Variants in CACNB2 observed in about 807,000 individuals in gnomAD.
The protein encoded by CACNB2 is voltage-dependent L-type calcium channel subunit beta-2.
CACNB2 carries 42 observed loss-of-function variants against 73.3 expected under a neutral mutation model. The ratio of observed to expected loss-of-function variants is 0.57; its 90% CI spans 0.45 to 0.74. CACNB2 has a LOEUF of 0.74. Ranked by LOEUF, CACNB2 falls within the 30% of genes least tolerant of loss-of-function variation. The probability of loss-of-function intolerance (pLI) is 0.00; values close to 1 mark genes in which losing one functional copy is unlikely to be tolerated. For synonymous variants in CACNB2, 348 were observed against 310.3 expected (o/e 1.12, Z -1.28); for missense variants, 940 against 853.0 (o/e 1.10, Z -1.27).
chr10:18,301,664 T>C (rs1397799957), intron 2 of CACNB2, among the ~76,000 whole-genome samples: 1 of 151,830 alleles, frequency 6.6e-6, no homozygotes. Context: ...TTTTTCCTTT[T>C]TTGAGATGGA....
intron 2 of CACNB2, among the ~76,000 whole-genome samples, chr10:18,394,349 G>A (rs1462313036): frequency 1.3e-5 from 2 of 152,142 alleles, no homozygotes; most frequent in Admixed American, 1.3e-4. Flanking sequence ...AAACTATCAC[G>A]ATGCCTTTAT....
intron 9 of CACNB2, among the ~76,000 whole-genome samples, chr10:18,526,209 T>G (rs1455543460): frequency 6.6e-6 from 1 of 152,352 alleles, no homozygotes; most frequent in Non-Finnish European, 1.5e-5. Context: ...GGCAGTCAGA[T>G]TCCCCAGAGA....
intron 2 of CACNB2, among the ~76,000 whole-genome samples, chr10:18,171,175 G>A (rs557787059): frequency 6.6e-6 from 1 of 151,980 alleles, no homozygotes; most frequent in South Asian, 2.1e-4. Context: ...AGGACATTCA[G>A]TCCTGTCTTC....
chr10:18,142,225 C>G (rs938981649), intron 1 of CACNB2, among the ~76,000 whole-genome samples: 58 of 152,184 alleles, frequency 3.8e-4, no homozygotes, highest in African/African-American at 1.3e-3. Context: ...TTCACTTTGA[C>G]TTGAGAAGGG....
intron 3 of CACNB2, among the ~76,000 whole-genome samples, chr10:18,472,039 TG>T (rs2048212104): frequency 6.6e-6 from 1 of 152,122 alleles, no homozygotes; most frequent in African/African-American, 2.4e-5. Context: ...GTCATCTCTC[TG>T]GCTCCTTCAC....
chr10:18,286,332 CGGTGAAACCCCGTCTCTACT>C (rs1265703720), intron 2 of CACNB2, among the ~76,000 whole-genome samples: 1 of 151,764 alleles, frequency 6.6e-6, no homozygotes, highest in Non-Finnish European at 1.5e-5. Flanking sequence ...CTGGCTAACA[CGGTGAAACCCCGTCTCTACT>C]AAAAAAATAC....
chr10:18,163,350 A>G (rs978908235), intron 2 of CACNB2, among the ~76,000 whole-genome samples: 9 of 150,974 alleles, frequency 6.0e-5, no homozygotes, highest in Non-Finnish European at 1.2e-4. Context: ...AATTGGTATT[A>G]CTCTTGGGAA....
intron 3 of CACNB2, among the ~76,000 whole-genome samples, chr10:18,404,599 G>A (rs2044182117): frequency 6.6e-6 from 1 of 152,114 alleles, no homozygotes; most frequent in Non-Finnish European, 1.5e-5. Context: ...GACTCTACAA[G>A]TCAGTGCTTT....
intron 2 of CACNB2, among the ~76,000 whole-genome samples, chr10:18,379,358 G>A (rs370316421): frequency 2.6e-5 from 4 of 152,002 alleles, no homozygotes; most frequent in Non-Finnish European, 4.4e-5. Context: ...GACAACAGGC[G>A]TTCACCACCA....
intron 2 of CACNB2, among the ~76,000 whole-genome samples, chr10:18,181,315 GC>G (rs1211663996): frequency 6.6e-6 from 1 of 151,990 alleles, no homozygotes; most frequent in East Asian, 1.9e-4. Context: ...AAATCAATAA[GC>G]TGAATCTTAT....
chr10:18,533,939 A>G, intron 10 of CACNB2, 137 bp from the exon 11 acceptor site: 1 of 759,880 alleles, frequency 1.3e-6, no homozygotes, highest in South Asian at 1.7e-5. Context: ...TTACTGTTGT[A>G]AATTTTTATC....
chr10:18,169,020 T>C (rs1436159378), intron 2 of CACNB2, among the ~76,000 whole-genome samples: 1 of 152,192 alleles, frequency 6.6e-6, no homozygotes, highest in Non-Finnish European at 1.5e-5. Flanking sequence ...CCTCATCTTA[T>C]TAAGTATACA....
At chr10:18,532,936 T>C (rs748281728) in intron 10 of CACNB2, 10 of 151,914 alleles carry the variant, frequency 6.6e-5, no homozygotes, top group Non-Finnish European at 1.5e-4. Context: ...TAGTATCTCA[T>C]GTAGTTTGGG....
rs767973462 is a variant in CACNB2 at position 18,140,725 on chromosome 10, G to A, written c.-12G>A. The A allele has an allele frequency of 1.9e-6, 3 of 1,588,960 alleles. No individual in the cohort carries two copies. The African/African-American group carries it at 4.0e-5, about 21-fold the overall frequency. On this transcript the variant is annotated 5_prime_UTR_variant, in exon 1 of 14. Coordinates refer to ENST00000324631, the MANE Select transcript of CACNB2 (RefSeq NM_201596.3). ...GGGGCTGGCTGCTTCGCTCCGAGCC[G>A]ACTTTTCGCCAATGGTCCAAAGGGA... is the stretch of plus-strand genomic sequence containing the variant.
At chr10:18,152,600 C>T (rs1430094746) in intron 2 of CACNB2, among the ~76,000 whole-genome samples, 1 of 149,870 alleles carries the variant, frequency 6.7e-6, no homozygotes, top group Non-Finnish European at 1.5e-5. Flanking sequence ...TACCCATCGC[C>T]TTTTCCATTT....
intron 5 of CACNB2, among the ~76,000 whole-genome samples, chr10:18,501,606 A>G (rs2050197350): frequency 6.6e-6 from 1 of 152,244 alleles, no homozygotes. Flanking sequence ...TTTCCATGGA[A>G]TCGTATGCAG....
chr10:18,458,679 T>C (rs1043031309), intron 3 of CACNB2, among the ~76,000 whole-genome samples: 3 of 151,920 alleles, frequency 2.0e-5, no homozygotes, highest in African/African-American at 7.3e-5. Context: ...CACTTGTTAT[T>C]AGCATCCTAA....
At chr10:18,519,793 A>G (rs2051669168) in intron 9 of CACNB2, 1 of 454,058 alleles carries the variant, frequency 2.2e-6, no homozygotes, top group African/African-American at 2.0e-5. Flanking sequence ...GTTTTCACCC[A>G]CACCACTCAG....
At chr10:18,532,950 T>C (rs1036331817) in intron 10 of CACNB2, 2 of 152,008 alleles carry the variant, frequency 1.3e-5, no homozygotes, top group African/African-American at 4.8e-5. Context: ...GTTTGGGCCC[T>C]GATTTTTTAA....
Sources: allele counts gnomAD v4.1 joint callset (sites outside exome capture counted in the v4.1 genomes callset), GRCh38; gene constraint gnomAD v4.1.1; transcripts MANE v1.5; gene names NCBI Gene and HGNC (gene_info 2026-07-23, HGNC 2026-07-21).